The following USP12 variants were observed in gnomAD, a reference collection of about 807,000 sequenced individuals.
USP12 encodes the protein ubiquitin specific peptidase 12, also known as ubiquitin carboxyl-terminal hydrolase 12.
Under a neutral mutation model 45.5 loss-of-function variants are expected in USP12, and 19 were observed. That is an observed-to-expected ratio of 0.42 (90% CI 0.29 to 0.61). The LOEUF (loss-of-function observed/expected upper bound fraction) is 0.61. Ranked by LOEUF, USP12 falls within the 20% of genes least tolerant of loss-of-function variation. The pLI, the probability that USP12 is intolerant of heterozygous loss-of-function variation, is 0.22. For missense variants in USP12, 242 were observed against 447.7 expected, an observed-to-expected ratio of 0.54 and a Z score of 4.15; for synonymous variants, 149 against 148.8, an observed-to-expected ratio of 1.00 and a Z score of -0.01.
At chr13:27,147,551 AAAAC>A (rs201162177) in intron 1 of USP12, among the ~76,000 whole-genome samples, 15 of 152,348 alleles carry the variant, frequency 9.8e-5, no homozygotes, top group Middle Eastern at 3.4e-3. Context: ...GTAAAAAAGA[AAAAC>A]AAAGTGTATG....
chr13:27,131,146 G>A (rs780783344), intron 1 of USP12, among the ~76,000 whole-genome samples: 16 of 152,208 alleles, frequency 1.1e-4, no homozygotes, highest in South Asian at 2.1e-4. Context: ...TCAGAATGCA[G>A]GAAGCAGTCA....
At chr13:27,070,303 G>A (rs1021589313) in intron 8 of USP12, among the ~76,000 whole-genome samples, 11 of 152,174 alleles carry the variant, frequency 7.2e-5, no homozygotes, top group South Asian at 2.1e-4. Flanking sequence ...GTAGAGGTGA[G>A]GAAAGCTGTA....
intron 2 of USP12, among the ~76,000 whole-genome samples, chr13:27,115,402 G>T (rs1433566337): frequency 6.6e-6 from 1 of 152,026 alleles, no homozygotes; most frequent in Admixed American, 6.6e-5. Flanking sequence ...CAAAGCACAG[G>T]GAATCACACA....
intron 1 of USP12, among the ~76,000 whole-genome samples, chr13:27,152,250 A>G (rs1480727364): frequency 6.6e-6 from 1 of 152,248 alleles, no homozygotes; most frequent in Non-Finnish European, 1.5e-5. Context: ...TCAACGAACA[A>G]ATAAACAAAA....
Position 27,105,780 on chromosome 13 carries a change from A to G in USP12, c.294T>C (p.Val98=). Residue 98 remains valine (V), a synonymous_variant, in exon 3 of 9, where the codon GTT becomes GTC. Transcript: ENST00000282344. Reference sequence around the variant, plus strand: ...TGAACTTCTTAGGGGGTATTACTCCAACCTTTTTCTTCTGAGTGGCTATGC... The same window carrying G: ...TGAACTTCTTAGGGGGTATTACTCCGACCTTTTTCTTCTGAGTGGCTATGC... ...FHSIATQKKK[V]GVIPPKKFIT... is the part of the protein sequence containing the mutation. 1 of 1,613,840 alleles carries G rather than the reference A, an allele frequency of 6.2e-7. No individual in the cohort carries two copies. Among genetic ancestry groups the G allele is most frequent in the Non-Finnish European group, 8.5e-7 (1 of 1,179,792 alleles).
At position 27,073,974 on chromosome 13, in the gene USP12, T is replaced by A. The variant is rs79021018; in HGVS notation, c.932+1217A>T. ...GACACTGCTTCACTCCTTTAAGATG[T>A]GATCACTCTTAATTTAGAAGTAGAA... On this transcript the variant is annotated intron_variant, in intron 7 of 8. Transcript: ENST00000282344. 6.0e-3 allele frequency among the ~76,000 whole-genome samples: 910 copies of A among 152,274 alleles called. 7 individuals carry two copies. The highest frequency in any genetic ancestry group is 0.021 in the African/African-American group (867 of 41,546).
chr13:27,085,541 T>C (rs188839718), intron 6 of USP12, among the ~76,000 whole-genome samples: 44 of 152,182 alleles, frequency 2.9e-4, no homozygotes, highest in African/African-American at 1.0e-3. Flanking sequence ...CACAAGCTTA[T>C]CCTATTATTC....
chr13:27,099,655 T>C (rs1001105354), intron 3 of USP12, among the ~76,000 whole-genome samples: 6 of 149,786 alleles, frequency 4.0e-5, no homozygotes, highest in African/African-American at 7.4e-5. Context: ...TTTTCCCTGA[T>C]ATCTCTTGCA....
chr13:27,074,418 T>A (rs958973288), intron 7 of USP12, among the ~76,000 whole-genome samples: 3 of 151,512 alleles, frequency 2.0e-5, no homozygotes, highest in Admixed American at 6.6e-5. Context: ...AAAAAAAAAA[T>A]TCTAATCAGA....
At chr13:27,151,538 T>C (rs76216625) in intron 1 of USP12, among the ~76,000 whole-genome samples, 3,227 of 152,034 alleles carry the variant, frequency 0.021, 118 homozygotes, top group African/African-American at 0.074. Context: ...TCCCAGTGCT[T>C]TCGGAGGACT....
intron 1 of USP12, among the ~76,000 whole-genome samples, chr13:27,148,452 G>C (rs1204669277): frequency 6.6e-6 from 1 of 151,754 alleles, no homozygotes; most frequent in African/African-American, 2.4e-5. Flanking sequence ...GAGGCGGGCA[G>C]ATCACGAGGT....
At chr13:27,078,075 T>C (rs1873576654) in intron 6 of USP12, 1 of 152,174 alleles carries the variant, frequency 6.6e-6, no homozygotes, top group African/African-American at 2.4e-5. Flanking sequence ...TAAATTTATT[T>C]TTTTAATGAC....
chr13:27,143,752 A>G (rs1457315615), intron 1 of USP12, among the ~76,000 whole-genome samples: 2 of 152,208 alleles, frequency 1.3e-5, no homozygotes, highest in African/African-American at 4.8e-5. Flanking sequence ...TTCTTCCCCA[A>G]AAATGTTTAC....
chr13:27,144,426 T>C (rs1391233182), intron 1 of USP12, among the ~76,000 whole-genome samples: 1 of 145,408 alleles, frequency 6.9e-6, no homozygotes, highest in East Asian at 2.0e-4. Flanking sequence ...GCCCAGGAGG[T>C]CAAGACTGCA....
chr13:27,141,970 T>C (rs964988402), intron 1 of USP12, among the ~76,000 whole-genome samples: 3 of 151,976 alleles, frequency 2.0e-5, no homozygotes, highest in Non-Finnish European at 2.9e-5. Flanking sequence ...CAAAAATTAG[T>C]TGGGCGTGGT....
intron 1 of USP12, chr13:27,117,856 G>A (rs1024640169): frequency 3.9e-6 from 2 of 517,604 alleles, no homozygotes; most frequent in East Asian, 5.5e-5. Context: ...GTGAAAGGGA[G>A]GGGGAGAAAT....
At chr13:27,094,118 A>C (rs957298738) in intron 4 of USP12, among the ~76,000 whole-genome samples, 7 of 151,398 alleles carry the variant, frequency 4.6e-5, no homozygotes, top group Admixed American at 1.3e-4. Context: ...ATCTTGGGTG[A>C]GATTTTGATG....
At chr13:27,125,927 T>C (rs1433440324) in intron 1 of USP12, among the ~76,000 whole-genome samples, 1 of 152,224 alleles carries the variant, frequency 6.6e-6, no homozygotes, top group Non-Finnish European at 1.5e-5. Context: ...TTGCTGAGGC[T>C]TGAGTAGGTG....
intron 1 of USP12, among the ~76,000 whole-genome samples, chr13:27,132,474 G>A (rs1465038651): frequency 6.6e-6 from 1 of 152,112 alleles, no homozygotes; most frequent in African/African-American, 2.4e-5. Flanking sequence ...CAGAAATATA[G>A]CCCTCACTCA....
Sources: gnomAD v4.1 joint callset for allele counts (sites outside exome capture counted in the v4.1 genomes callset) on GRCh38, gnomAD v4.1.1 for gene constraint, MANE v1.5 for transcripts, NCBI Gene and HGNC (gene_info 2026-07-23, HGNC 2026-07-21) for gene names.